Variants in MTG1 observed in about 807,000 individuals in gnomAD.
MTG1 encodes the protein mitochondrial ribosome-associated GTPase 1.
In MTG1, 30 loss-of-function variants were observed where a neutral mutation model predicts 39.5. The ratio of observed to expected loss-of-function variants is 0.76; its 90% confidence interval spans 0.57 to 1.03. The LOEUF (loss-of-function observed/expected upper bound fraction) is 1.03, where lower values mean the gene tolerates loss of function less well. Among genes scored for constraint, MTG1 ranks in the 50% least tolerant of loss-of-function variants. MTG1 has a pLI of 0.00. For missense variants in MTG1, 513 were observed against 447.4 expected, an observed-to-expected ratio of 1.15 and a Z score of -1.32; for synonymous variants, 217 against 179.0, an observed-to-expected ratio of 1.21 and a Z score of -1.69.
chr10:133,406,397 T>G (rs896945137), intron 9 of MTG1, among the ~76,000 whole-genome samples: 13 of 152,134 alleles, frequency 8.5e-5, no homozygotes, highest in African/African-American at 3.1e-4. Context: ...GCTCAAGAGA[T>G]CCTCCTGCCT....
intron 6 of MTG1, among the ~76,000 whole-genome samples, chr10:133,401,102 T>TTC (rs1235591870): frequency 6.6e-6 from 1 of 152,098 alleles, no homozygotes; most frequent in Non-Finnish European, 1.5e-5. Context: ...GACAGTGCTG[T>TTC]GGGAGGCAGG....
At chr10:133,405,100 G>T (rs541080236) in intron 9 of MTG1, among the ~76,000 whole-genome samples, 8 of 152,294 alleles carry the variant, frequency 5.3e-5, no homozygotes, top group African/African-American at 1.9e-4. Flanking sequence ...GAATTTATAG[G>T]TCAGTCTGGG....
At chr10:133,415,991 G>A (rs1030266301) in intron 9 of MTG1, among the ~76,000 whole-genome samples, 12 of 134,958 alleles carry the variant, frequency 8.9e-5, no homozygotes, top group Non-Finnish European at 1.5e-4. Context: ...GTCGGCACGC[G>A]GGTGTCGGGC....
intron 5 of MTG1, 70 bp downstream of exon 5, chr10:133,399,296 C>T (rs888442791): frequency 1.1e-4 from 178 of 1,562,020 alleles, no homozygotes; most frequent in Admixed American, 1.7e-4. Flanking sequence ...CCTGCCTGGC[C>T]TCTCCAAGGA....
In MTG1 at chr10:133,402,710, T is replaced by A; in HGVS notation, c.689T>A (p.Leu230Gln). The A allele has an allele frequency of 6.2e-7, 1 of 1,607,630 alleles. No homozygotes were observed. The change falls in exon 9 of 11, where the codon CTG (leucine) becomes CAG (glutamine). Residue 230 changes from leucine to glutamine, a missense_variant. Transcript: ENST00000317502. This position sits in a 1 kb window ranked among gnomAD's most constrained non-coding sequence, Gnocchi z 4.7. The part of the protein sequence containing the change: ...LALCGTVLDH[L>Q]VGEETMADYL... Reference sequence around the variant, plus strand: ...TCCACAGGAACGGTGCTGGACCACCTGGTCGGGGAGGAGACCATGGCTGAC... The same window carrying A: ...TCCACAGGAACGGTGCTGGACCACCAGGTCGGGGAGGAGACCATGGCTGAC...
chr10:133,415,954 A>AGGCACGCGGGTGTCGGGCAGGCGGGTGTC, intron 9 of MTG1, among the ~76,000 whole-genome samples: 1 of 84,886 alleles, frequency 1.2e-5, no homozygotes, highest in South Asian at 3.8e-4. Flanking sequence ...CGCAGTTATC[A>AGGCACGCGGGTGTCGGGCAGGCGGGTGTC]GGCACGCGGG....
At chr10:133,406,814 G>A (rs578067805) in intron 9 of MTG1, among the ~76,000 whole-genome samples, 33 of 151,902 alleles carry the variant, frequency 2.2e-4, no homozygotes, top group Admixed American at 1.8e-3. Context: ...ACAGGTGCCC[G>A]CCACCATACC....
At chr10:133,397,004 A>C (rs1487537300) in intron 3 of MTG1, among the ~76,000 whole-genome samples, 2 of 151,456 alleles carry the variant, frequency 1.3e-5, no homozygotes, top group African/African-American at 4.9e-5. Flanking sequence ...TTTAGAGAAG[A>C]CTCTACTCCT....
intron 9 of MTG1, among the ~76,000 whole-genome samples, chr10:133,419,054 C>T (rs985278468): frequency 3.9e-5 from 6 of 152,248 alleles, no homozygotes; most frequent in African/African-American, 1.2e-4. Context: ...GAGTGCCATC[C>T]TTAGCAGCAA....
rs34193468 is a variant in MTG1, at chr10:133,402,827, T to TAA, written c.752+65_752+66dup. On this transcript the variant is annotated intron_variant, in intron 9 of 10. Transcript: ENST00000317502. The surrounding 1 kb of genome is among the most constrained non-coding windows in gnomAD (Gnocchi z 4.7). ...GGCCCCTCCTCCTAGTCACCTCATT[T>TAA]AAAAAAAAAAAACAAACAAAAAAAC... The TAA allele has an allele frequency of 6.3e-4, 650 of 1,028,522 alleles. No homozygotes were observed. Among genetic ancestry groups the TAA allele is most frequent in the Non-Finnish European group, 7.4e-4 (550 of 740,554 alleles). 63.7% of individuals were successfully genotyped at this position (1,028,522 alleles called of 1,614,324 possible). A position where few individuals can be genotyped will look rare whatever the true frequency, so the allele number is the denominator to read the frequency against.
In MTG1 at chr10:133,402,889, T is replaced by A. The variant is rs1849907663; in HGVS notation, c.752+116T>A. 1 of 759,722 alleles carries A rather than the reference T, an allele frequency of 1.3e-6. No individual in the cohort carries two copies. Among genetic ancestry groups the A allele is most frequent in the Non-Finnish European group, 2.1e-6 (1 of 477,016 alleles). 47.1% of individuals were successfully genotyped at this position (759,722 alleles called of 1,614,324 possible). A position where few individuals can be genotyped will look rare whatever the true frequency, so the allele number is the denominator to read the frequency against. On this transcript the variant is annotated intron_variant, in intron 9 of 10. Coordinates refer to ENST00000317502, the MANE Select transcript of MTG1 (RefSeq NM_138384.4). The surrounding 1 kb of genome is among the most constrained non-coding windows in gnomAD (Gnocchi z 4.7). Reference sequence around the variant, plus strand: ...TAAAGGTATTATAAACACGGTAACCTGCACATCGTTTAAAGCGTCCAGTTG... The same window carrying A: ...TAAAGGTATTATAAACACGGTAACCAGCACATCGTTTAAAGCGTCCAGTTG...
At position 133,420,104 on chromosome 10, in the gene MTG1, G is replaced by A. The variant is rs760029134; in HGVS notation, c.944G>A (p.Gly315Asp). 6.2e-7 allele frequency: 1 copy of A among 1,613,508 alleles called. No homozygotes were observed. The highest frequency in any genetic ancestry group is 8.5e-7 in the Non-Finnish European group (1 of 1,179,824). ...CAGACTTTCCGCCGTGGGCTGCTGGGTTCCGTGATGCTGGACCTCGACGTC... is the reference window on the plus strand; with the variant it reads ...CAGACTTTCCGCCGTGGGCTGCTGGATTCCGTGATGCTGGACCTCGACGTC... Reference protein sequence around the residue: ...FLQTFRRGLLGSVMLDLDVLR... With the variant: ...FLQTFRRGLLDSVMLDLDVLR... Residue 315 changes from glycine (G) to aspartate (D), a missense_variant, in exon 11 of 11, where the codon GGT (glycine) becomes GAT (aspartate). Physicochemically the swap from Gly to Asp is moderately conservative, Grantham distance 94 (BLOSUM62 -1). Coordinates refer to ENST00000317502, the MANE Select transcript of MTG1 (RefSeq NM_138384.4).
chr10:133,417,587 T>C (rs578012342), intron 9 of MTG1, among the ~76,000 whole-genome samples: 1 of 152,000 alleles, frequency 6.6e-6, no homozygotes, highest in East Asian at 1.9e-4. Context: ...GAAATCAAAT[T>C]GTCCCTGTTT....
chr10:133,399,808 G>A (rs1039417344), intron 6 of MTG1, 189 bp downstream of exon 6: 3 of 504,720 alleles, frequency 5.9e-6, no homozygotes, highest in South Asian at 7.1e-5. Context: ...GTGGGACCAG[G>A]TCGTTCTGTG....
chr10:133,412,201 G>C (rs1044915984), intron 9 of MTG1, among the ~76,000 whole-genome samples: 2 of 152,052 alleles, frequency 1.3e-5, no homozygotes, highest in Non-Finnish European at 2.9e-5. Context: ...TGGATGTTTG[G>C]TTTTGGTTTT....
rs541321576 is a variant in MTG1 at position 133,406,810 on chromosome 10, G to A, written c.752+4037G>A. Among the ~76,000 whole-genome samples, 8 of 151,890 alleles carry A rather than the reference G, an allele frequency of 5.3e-5. No individual in the cohort carries two copies. In the South Asian group the frequency reaches 1.7e-3, roughly 32 times the overall value. ...CTCCCAAGTAGCTGGGACTACAGGT[G>A]CCCGCCACCATACCTGGCTAAGTTT... is the stretch of plus-strand genomic sequence containing the variant. On this transcript the variant is annotated intron_variant, in intron 9 of 10. Coordinates refer to ENST00000317502, the MANE Select transcript of MTG1 (RefSeq NM_138384.4).
At position 133,422,215 on chromosome 10, in the gene MTG1, C is replaced by T. The variant is rs1003431369; in HGVS notation, c.*2050C>T. On this transcript the variant is annotated 3_prime_UTR_variant, in exon 11 of 11. Coordinates refer to ENST00000317502, the MANE Select transcript of MTG1 (RefSeq NM_138384.4). ...CTTGCTTTGGGGTCTGAGTTAGCTCCTGGCTCCACTGAGCAGGCCGTCAGC... is the reference window on the plus strand; with the variant it reads ...CTTGCTTTGGGGTCTGAGTTAGCTCTTGGCTCCACTGAGCAGGCCGTCAGC... 2.0e-5 allele frequency: 3 copies of T among 152,402 alleles called. No individual in the cohort carries two copies. The highest frequency in any genetic ancestry group is 4.8e-5 in the African/African-American group (2 of 41,448). 9.4% of individuals were successfully genotyped at this position (152,402 alleles called of 1,614,324 possible).
At chr10:133,417,007 T>C (rs1405398872) in intron 9 of MTG1, among the ~76,000 whole-genome samples, 1 of 150,876 alleles carries the variant, frequency 6.6e-6, no homozygotes, top group African/African-American at 2.4e-5. Flanking sequence ...TGAACTAGTT[T>C]ACAGTCCCAC....
At chr10:133,418,681 A>G (rs558627803) in intron 9 of MTG1, among the ~76,000 whole-genome samples, 1 of 152,118 alleles carries the variant, frequency 6.6e-6, no homozygotes, top group Non-Finnish European at 1.5e-5. Flanking sequence ...TGCTGTGACC[A>G]GGTCCGAGGG....
Sources: gnomAD v4.1 joint callset for allele counts (sites outside exome capture counted in the v4.1 genomes callset) on GRCh38, gnomAD v4.1.1 for gene constraint, Gnocchi (gnomAD v3.1) non-coding constraint, MANE v1.5 for transcripts, NCBI Gene and HGNC (gene_info 2026-07-23, HGNC 2026-07-21) for gene names.